The following FAM91A1 variants were observed in gnomAD, a reference collection of about 807,000 sequenced individuals.
FAM91A1 encodes protein FAM91A1.
In FAM91A1, 41 loss-of-function variants were observed where a neutral mutation model predicts 113.5. That is an observed-to-expected ratio of 0.36 (90% confidence interval 0.28 to 0.47). The LOEUF is 0.47. Among genes scored for constraint, FAM91A1 ranks in the 20% least tolerant of loss-of-function variants. The pLI is 1.00. For missense variants in FAM91A1, 696 were observed against 1,001.2 expected (o/e 0.70, Z 4.11); for synonymous variants, 307 against 347.9 (o/e 0.88, Z 1.31).
rs753820403 is a variant in FAM91A1, at chr8:123,778,640, A to G, written c.436-19A>G. 5.7e-6 allele frequency: 9 copies of G among 1,585,290 alleles called. No homozygotes were observed. Among genetic ancestry groups the G allele is most frequent in the Non-Finnish European group, 5.2e-6 (6 of 1,156,576 alleles). On this transcript the variant is annotated intron_variant, in intron 5 of 23. Transcript: ENST00000334705. ...GGTAGTTTTAGATTGCAAATTCTCA[A>G]ATGTTTGTACCATTGCAGAAATTCT...
intron 19 of FAM91A1, 26 bp downstream of exon 19, chr8:123,805,365 C>A: frequency 1.6e-6 from 2 of 1,257,270 alleles, no homozygotes; most frequent in Non-Finnish European, 2.2e-6. Context: ...TATCTATTGA[C>A]TTTTTTTTTT....
chr8:123,804,800 T>C (rs1815766286), intron 18 of FAM91A1, among the ~76,000 whole-genome samples: 1 of 152,228 alleles, frequency 6.6e-6, no homozygotes, highest in Admixed American at 6.5e-5. Context: ...TGGTGGACAT[T>C]TTGGTTGTTT....
At chr8:123,807,339 A>G (rs757335651) in intron 20 of FAM91A1, among the ~76,000 whole-genome samples, 11 of 152,060 alleles carry the variant, frequency 7.2e-5, no homozygotes, top group Non-Finnish European at 1.5e-4. Flanking sequence ...GTGCTGGAGC[A>G]ATTTAATAAG....
intron 2 of FAM91A1, 132 bp from the exon 3 acceptor site, chr8:123,775,015 G>T: frequency 1.1e-6 from 1 of 877,224 alleles, no homozygotes; most frequent in Non-Finnish European, 1.6e-6. Context: ...TTCCAACTTA[G>T]AATATTTTAT....
chr8:123,792,706 CTTGACA>C, intron 15 of FAM91A1, among the ~76,000 whole-genome samples: 1 of 152,120 alleles, frequency 6.6e-6, no homozygotes, highest in South Asian at 2.1e-4. Flanking sequence ...ATTATCTATA[CTTGACA>C]TTGATAATGT....
At chr8:123,790,349 C>T (rs79605594) in intron 15 of FAM91A1, among the ~76,000 whole-genome samples, 206 of 152,192 alleles carry the variant, frequency 1.4e-3, no homozygotes, top group African/African-American at 4.6e-3. Flanking sequence ...AATTTCTACC[C>T]AGATGGGGAT....
intron 12 of FAM91A1, 49 bp from the exon 13 acceptor site, chr8:123,787,212 G>A: frequency 7.3e-7 from 1 of 1,366,790 alleles, no homozygotes; most frequent in Non-Finnish European, 1.0e-6. Context: ...CAAATGGTAA[G>A]CAAAGAATAA....
At chr8:123,796,749 G>T (rs1423388360) in intron 15 of FAM91A1, among the ~76,000 whole-genome samples, 1 of 150,604 alleles carries the variant, frequency 6.6e-6, no homozygotes, top group East Asian at 2.0e-4. Flanking sequence ...GATGCACTGT[G>T]CCTGGCCTGA....
At chr8:123,779,691 G>A (rs892173877) in intron 6 of FAM91A1, among the ~76,000 whole-genome samples, 1 of 152,190 alleles carries the variant, frequency 6.6e-6, no homozygotes, top group African/African-American at 2.4e-5. Flanking sequence ...GAGAGATTCT[G>A]AATTGGCAGA....
intron 5 of FAM91A1, 30 bp from the exon 6 acceptor site, chr8:123,778,629 G>A (rs1295550347): frequency 1.3e-6 from 2 of 1,527,818 alleles, no homozygotes; most frequent in South Asian, 1.1e-5. Context: ...GTTTTAGATT[G>A]CAAATTCTCA....
rs1453714236 is a variant in FAM91A1, at chr8:123,785,760, G to A, written c.962+19G>A. 7.0e-7 allele frequency: 1 copy of A among 1,422,020 alleles called. No individual in the cohort carries two copies. The highest frequency in any genetic ancestry group is 2.3e-5 in the Admixed American group (1 of 44,172). 88.1% of individuals were successfully genotyped at this position (1,422,020 alleles called of 1,614,324 possible). A position where few individuals can be genotyped will look rare whatever the true frequency, so the allele number is the denominator to read the frequency against. ...GATTAAAGTAACTTAAATTTATTCA[G>A]TATGAGCTATTAGAGTTTCCTTTTG... On this transcript the variant is annotated intron_variant, in intron 11 of 23. Transcript: ENST00000334705.
Position 123,770,506 on chromosome 8 carries a change from C to G in FAM91A1, c.72+1732C>G, listed in dbSNP as rs573947795. Among the ~76,000 whole-genome samples, 101 of 152,266 alleles carry G rather than the reference C, an allele frequency of 6.6e-4. 1 individual carries two copies. Among genetic ancestry groups the G allele is most frequent in the African/African-American group, 2.3e-3 (94 of 41,560 alleles). On this transcript the variant is annotated intron_variant, in intron 1 of 23. Coordinates refer to ENST00000334705, the MANE Select transcript of FAM91A1 (RefSeq NM_144963.4). Reference sequence around the variant, plus strand: ...GAAGGAATAAATTTCTTTTGTTAATCTTGAATAAAGGCTTTAAAGGACACT... The same window carrying G: ...GAAGGAATAAATTTCTTTTGTTAATGTTGAATAAAGGCTTTAAAGGACACT...
chr8:123,771,093 A>C (rs2130030089), intron 1 of FAM91A1, among the ~76,000 whole-genome samples: 1 of 152,316 alleles, frequency 6.6e-6, no homozygotes, highest in Admixed American at 6.5e-5. Context: ...TTAATAGCAT[A>C]TTTTGATTCT....
rs1815986861 is a variant in FAM91A1, at chr8:123,812,638, T to C, written c.2451T>C (p.Gly817=). Residue 817 remains glycine (G), a synonymous_variant, in exon 24 of 24, where the codon GGT becomes GGC. Coordinates refer to ENST00000334705, the MANE Select transcript of FAM91A1 (RefSeq NM_144963.4). ...LPAKNLIFKD[G]VLSEWSGRSP... is the part of the protein sequence containing the mutation. Reference sequence around the variant, plus strand: ...CAAAAAACTTAATATTTAAAGATGGTGTCTTATCAGAATGGAGTGGACGGT... The same window carrying C: ...CAAAAAACTTAATATTTAAAGATGGCGTCTTATCAGAATGGAGTGGACGGT... 6.2e-7 allele frequency: 1 copy of C among 1,612,028 alleles called. No homozygotes were observed. Among genetic ancestry groups the C allele is most frequent in the Non-Finnish European group, 8.5e-7 (1 of 1,179,100 alleles).
At position 123,813,201 on chromosome 8, in the gene FAM91A1, G is replaced by A. The variant is rs1323425637; in HGVS notation, c.*497G>A. 1 of 152,666 alleles carries A rather than the reference G, an allele frequency of 6.6e-6. No individual in the cohort carries two copies. Among genetic ancestry groups the A allele is most frequent in the Non-Finnish European group, 1.5e-5 (1 of 68,084 alleles). 9.5% of individuals were successfully genotyped at this position (152,666 alleles called of 1,614,324 possible). On this transcript the variant is annotated 3_prime_UTR_variant, in exon 24 of 24. Transcript: ENST00000334705. ...TCCAGTATTGAGAGATGATATGATA[G>A]GGCATTATGAATTCCTATGGGTGTC...
At position 123,798,196 on chromosome 8, in the gene FAM91A1, C is replaced by T; in HGVS notation, c.1518C>T (p.Pro506=). The change falls in exon 16 of 24, where the codon CCC becomes CCT. Residue 506 remains proline (P), a synonymous_variant. Transcript: ENST00000334705. ...ACACGCTGCTTGTTTCCATGGCTCCCCTCACCAATGAAATCCGGCCTGTCA... is the reference window on the plus strand; with the variant it reads ...ACACGCTGCTTGTTTCCATGGCTCCTCTCACCAATGAAATCCGGCCTGTCA... ...KNYTLLVSMA[P]LTNEIRPVSS... is the part of the protein sequence containing the mutation. 2 of 1,614,044 alleles carry T rather than the reference C, an allele frequency of 1.2e-6. No homozygotes were observed. Among genetic ancestry groups the T allele is most frequent in the South Asian group, 1.1e-5 (1 of 91,080 alleles).
intron 15 of FAM91A1, among the ~76,000 whole-genome samples, chr8:123,794,824 G>C (rs943037584): frequency 6.6e-6 from 1 of 152,218 alleles, no homozygotes; most frequent in Non-Finnish European, 1.5e-5. Flanking sequence ...AAGTTGAATT[G>C]CGTGGTATGT....
intron 16 of FAM91A1, among the ~76,000 whole-genome samples, chr8:123,798,554 G>A (rs541562489): frequency 6.6e-6 from 1 of 152,262 alleles, no homozygotes; most frequent in East Asian, 1.9e-4. Context: ...ATTAGGAAAA[G>A]TTAAATGTCT....
chr8:123,783,713 A>G (rs929681579), intron 8 of FAM91A1, among the ~76,000 whole-genome samples: 5 of 152,230 alleles, frequency 3.3e-5, no homozygotes, highest in Non-Finnish European at 7.3e-5. Flanking sequence ...GAGAATGGCA[A>G]AGGAAAGCAT....
Sources: gnomAD v4.1 joint callset for allele counts (sites outside exome capture counted in the v4.1 genomes callset) on GRCh38, gnomAD v4.1.1 for gene constraint, MANE v1.5 for transcripts, NCBI Gene and HGNC (gene_info 2026-07-23, HGNC 2026-07-21) for gene names.